POLRMT: variants seen among roughly 807,000 people sequenced by gnomAD.
The protein encoded by POLRMT is DNA-directed RNA polymerase, mitochondrial.
A neutral mutation model predicts 132.2 loss-of-function variants in POLRMT; 114 were observed. The observed-to-expected ratio is 0.86, with a 90% CI of 0.74 to 1.01. The LOEUF (loss-of-function observed/expected upper bound fraction) is 1.01, where lower values mean the gene tolerates loss of function less well. Among genes scored for constraint, POLRMT ranks in the 50% least tolerant of loss-of-function variants. POLRMT has a pLI of 0.00. For synonymous variants in POLRMT, 1,020 were observed against 773.4 expected (o/e 1.32, Z -5.29); for missense variants, 2,003 against 1,729.1 (o/e 1.16, Z -2.81).
At chr19:624,001 C>G (rs770901503) in intron 5 of POLRMT, among the ~76,000 whole-genome samples, 1 of 152,224 alleles carries the variant, frequency 6.6e-6, no homozygotes, top group East Asian at 1.9e-4. Context: ...CTTTGAGAAT[C>G]AAAGACGCAC....
At chr19:632,460 C>A (rs1337585377) in intron 2 of POLRMT, among the ~76,000 whole-genome samples, 5 of 152,036 alleles carry the variant, frequency 3.3e-5, no homozygotes, top group Admixed American at 6.6e-5. Context: ...GCCTACCCCC[C>A]AGAGCCAAGC....
intron 9 of POLRMT, 95 bp from the exon 10 acceptor site, chr19:621,941 C>A: frequency 7.0e-7 from 1 of 1,422,804 alleles, no homozygotes; most frequent in South Asian, 1.3e-5. Flanking sequence ...GCTCCCCGGC[C>A]AACAAGAAAC....
chr19:617,506 A>C (rs1984074519), intron 19 of POLRMT, 26 bp from the exon 20 acceptor site: 2 of 1,323,342 alleles, frequency 1.5e-6, no homozygotes, highest in Non-Finnish European at 2.1e-6. Context: ...GGGTGGGGTG[A>C]GGCTGAGGCC....
chr19:618,940 G>C, intron 15 of POLRMT, 57 bp downstream of exon 15: 2 of 1,430,734 alleles, frequency 1.4e-6, no homozygotes, highest in Non-Finnish European at 1.9e-6. Context: ...TGGTACACTG[G>C]GACGCTGTTA....
rs1313900247 is a variant in POLRMT at position 629,581 on chromosome 19, G to C, written c.781C>G (p.Leu261Val). The change falls in exon 3 of 21, where the codon CTG becomes GTG. Residue 261 changes from leucine (L) to valine (V), a missense_variant. Leu to Val is a conservative substitution (Grantham distance 32). Coordinates refer to ENST00000588649, the MANE Select transcript of POLRMT (RefSeq NM_005035.4). ...GQRQKRKLLT[L>V]DMYNAVMLGW... The stretch of plus-strand genomic sequence containing the variant: ...AGCATCACGGCGTTGTACATGTCCA[G>C]CGTGAGCAGCTTCCGCTTCTGCCGC... 8.8e-6 allele frequency: 14 copies of C among 1,588,758 alleles called. No individual in the cohort carries two copies. Among genetic ancestry groups the C allele is most frequent in the Non-Finnish European group, 1.0e-5 (12 of 1,168,596 alleles).
At chr19:624,057 G>A (rs1387974347) in intron 5 of POLRMT, among the ~76,000 whole-genome samples, 1 of 152,330 alleles carries the variant, frequency 6.6e-6, no homozygotes, top group East Asian at 1.9e-4. Flanking sequence ...TGCATGACTC[G>A]CAGTCGATAA....
intron 11 of POLRMT, 45 bp from the exon 12 acceptor site, chr19:620,125 A>G: frequency 6.5e-7 from 1 of 1,531,752 alleles, no homozygotes; most frequent in Non-Finnish European, 8.7e-7. Flanking sequence ...AGAGAGGCAG[A>G]GACGTGTGGG....
Position 620,221 on chromosome 19 carries a change from A to G in POLRMT, c.2764-141T>C, listed in dbSNP as rs545614042. 89 of 1,449,030 alleles carry G rather than the reference A, an allele frequency of 6.1e-5. No homozygotes were observed. In the African/African-American group the frequency reaches 1.0e-3, roughly 17 times the overall value. 89.8% of individuals were successfully genotyped at this position (1,449,030 alleles called of 1,614,324 possible). A position where few individuals can be genotyped will look rare whatever the true frequency, so the allele number is the denominator to read the frequency against. On this transcript the variant is annotated intron_variant, in intron 11 of 20. Coordinates refer to ENST00000588649, the MANE Select transcript of POLRMT (RefSeq NM_005035.4). Reference sequence around the variant, plus strand: ...ACCGGAGCCCCCGCACGCTCCCGGGAGAGACCAGGAGCCATGGCTCCCGCA... The same window carrying G: ...ACCGGAGCCCCCGCACGCTCCCGGGGGAGACCAGGAGCCATGGCTCCCGCA...
intron 10 of POLRMT, among the ~76,000 whole-genome samples, 141 bp downstream of exon 10, chr19:620,900 GGGAGGGGAGGAGGAAGA>G (rs1984492810): frequency 2.1e-5 from 1 of 47,728 alleles, no homozygotes; most frequent in African/African-American, 1.1e-4. Flanking sequence ...CCAGGGGAGG[GGGAGGGGAGGAGGAAGA>G]CGGGCAGGGG....
intron 20 of POLRMT, 27 bp from the exon 21 acceptor site, chr19:617,350 T>G: frequency 6.2e-7 from 1 of 1,612,510 alleles, no homozygotes. Context: ...GCGGACGGCG[T>G]GGGTGGCGGG....
Position 625,272 on chromosome 19 carries a change from G to T in POLRMT, c.823-18C>A. The T allele has an allele frequency of 6.2e-7, 1 of 1,613,368 alleles. No individual in the cohort carries two copies. The highest frequency in any genetic ancestry group is 1.3e-5 in the African/African-American group (1 of 75,060). On this transcript the variant is annotated intron_variant, in intron 3 of 20. Transcript: ENST00000588649. ...AAGGCACCCTGGGAGACCAAGCCAG[G>T]GTGAGGGTCTGGGGGGATGGCCCAA... is the stretch of plus-strand genomic sequence containing the variant.
rs1352517780 is a variant in POLRMT at position 621,236 on chromosome 19, G to A, written c.2462C>T (p.Ala821Val). Residue 821 changes from alanine to valine, a missense_variant, in exon 10 of 21, where the codon GCG becomes GTG. Coordinates refer to ENST00000588649, the MANE Select transcript of POLRMT (RefSeq NM_005035.4). ...CTGGGCGAACTCCAGCAGGGCCCGC[G>A]CCACGTCGCTGCCCAGGTGGTTGAA... ...PHFNHLGSDV[A>V]RALLEFAQGR... The A allele has an allele frequency of 2.5e-6, 4 of 1,608,948 alleles. No homozygotes were observed. Among genetic ancestry groups the A allele is most frequent in the Non-Finnish European group, 3.4e-6 (4 of 1,177,992 alleles).
chr19:627,180 C>G (rs1423410245), intron 3 of POLRMT, among the ~76,000 whole-genome samples: 12 of 132,164 alleles, frequency 9.1e-5, no homozygotes, highest in Non-Finnish European at 1.7e-4. Context: ...GAGACGGAGT[C>G]TCGCTCTGTC....
chr19:631,720 G>A (rs879896563), intron 2 of POLRMT, among the ~76,000 whole-genome samples: 6 of 152,172 alleles, frequency 3.9e-5, no homozygotes, highest in Non-Finnish European at 8.8e-5. Flanking sequence ...ATACTTTTAG[G>A]ATTAACAGTT....
intron 17 of POLRMT, chr19:618,177 CG>C (rs1984163195): frequency 1.8e-6 from 1 of 548,194 alleles, no homozygotes; most frequent in Non-Finnish European, 3.3e-6. Flanking sequence ...CTCCCGTGGC[CG>C]GTAGATTCTG....
At position 617,586 on chromosome 19, in the gene POLRMT, T is replaced by G. The variant is rs570198637; in HGVS notation, c.3565A>C (p.Lys1189Gln). The change falls in exon 19 of 21, where the codon AAG (lysine) becomes CAG (glutamine). Residue 1189 changes from lysine to glutamine, a missense_variant. Coordinates refer to ENST00000588649, the MANE Select transcript of POLRMT (RefSeq NM_005035.4). The part of the protein sequence containing the change: ...ILQDLSRFLV[K>Q]RFCSEPQKIL... ...GCGCCTTACTCAGAGCAGAACCGCT[T>G]GACCAGGAATCTGGACAGGTCCTGC... 6.2e-6 allele frequency: 10 copies of G among 1,612,176 alleles called. 1 individual carries two copies. Among genetic ancestry groups the G allele is most frequent in the South Asian group, 5.5e-5 (5 of 91,062 alleles).
intron 5 of POLRMT, among the ~76,000 whole-genome samples, chr19:624,513 T>C (rs1486449628): frequency 6.6e-6 from 1 of 151,708 alleles, no homozygotes; most frequent in Non-Finnish European, 1.5e-5. Flanking sequence ...CCCGACCACC[T>C]CGTCCCCCTG....
chr19:621,570 T>A lies in POLRMT; in HGVS notation c.2128A>T (p.Asn710Tyr). 2.7e-6 allele frequency: 4 copies of A among 1,456,378 alleles called. No individual in the cohort carries two copies. The highest frequency in any genetic ancestry group is 2.6e-5 in the East Asian group (1 of 38,428). The allele number at this position is 1,456,378 out of a possible 1,614,324, so 90.2% of individuals were successfully genotyped here. A position where few individuals can be genotyped will look rare whatever the true frequency, so the allele number is the denominator to read the frequency against. The change falls in exon 10 of 21, where the codon AAC becomes TAC. Residue 710 changes from asparagine to tyrosine, a missense_variant. Asn to Tyr is a moderately radical substitution (Grantham distance 143). Transcript: ENST00000588649. The part of the protein sequence containing the change: ...TQLGNCAWRV[N>Y]GRVLDLVLQL... ...AGCACCAGGTCCAGCACGCGCCCGT[T>A]GACGCGCCAGGCGCAGTTGCCCAGT...
intron 17 of POLRMT, chr19:618,264 G>A (rs528633312): frequency 8.8e-6 from 5 of 565,718 alleles, no homozygotes; most frequent in African/African-American, 3.8e-5. Flanking sequence ...AAGGGGCAGC[G>A]CCCATGCTCG....
Sources: gnomAD v4.1 joint callset for allele counts (sites outside exome capture counted in the v4.1 genomes callset) on GRCh38, gnomAD v4.1.1 for gene constraint, MANE v1.5 for transcripts, NCBI Gene and HGNC (gene_info 2026-07-23, HGNC 2026-07-21) for gene names.